The following GAK variants were observed in gnomAD, a reference collection of about 807,000 sequenced individuals.
GAK encodes cyclin G associated kinase, also known as cyclin-G-associated kinase.
A neutral mutation model predicts 143.9 loss-of-function variants in GAK; 79 were observed. The ratio of observed to expected loss-of-function variants is 0.55; its 90% CI spans 0.46 to 0.66. GAK has a LOEUF of 0.66. Among genes scored for constraint, GAK ranks in the 30% least tolerant of loss-of-function variants. GAK has a pLI of 0.00. For missense variants in GAK, 1,693 were observed against 1,779.7 expected, an observed-to-expected ratio of 0.95 and a Z score of 0.88; for synonymous variants, 881 against 765.5, an observed-to-expected ratio of 1.15 and a Z score of -2.49.
chr4:869,661 T>G (rs1452228912), intron 19 of GAK: 1 of 128,114 alleles, frequency 7.8e-6, no homozygotes, highest in African/African-American at 3.1e-5. Context: ...TACACACGAA[T>G]GCACACACAG....
Position 854,836 on chromosome 4 carries a change from G to A in GAK, c.3284-2862C>T, listed in dbSNP as rs1412641449. 9.9e-5 allele frequency among the ~76,000 whole-genome samples: 15 copies of A among 152,164 alleles called. No homozygotes were observed. In the East Asian group the frequency reaches 2.9e-3, roughly 29 times the overall value. The stretch of plus-strand genomic sequence containing the variant: ...CGAGGCGGGCGGATCACGAGGTCAG[G>A]AGATCAAGACCATCCTGACTAACAC... On this transcript the variant is annotated intron_variant, in intron 24 of 27. Transcript: ENST00000314167.
At chr4:866,878 C>T (rs376936517) in intron 21 of GAK, 78 bp downstream of exon 21, 94 of 1,113,464 alleles carry the variant, frequency 8.4e-5, no homozygotes, top group African/African-American at 5.5e-4. Flanking sequence ...CTTCGAAACA[C>T]GCCCATGCAG....
chr4:929,878 A>AC (rs1279081123), intron 1 of GAK, among the ~76,000 whole-genome samples: 2 of 152,238 alleles, frequency 1.3e-5, no homozygotes, highest in African/African-American at 4.8e-5. Context: ...ATAAAACCTG[A>AC]CATGAACTGA....
chr4:894,016 G>C lies in GAK; in HGVS notation c.742-7C>G. ...ACAAGATGCAGCCCAGGGCCTGCGG[G>C]GAGAGCAGGGGTGATGCCTAGGCCC... On this transcript the variant is annotated splice_region_variant and splice_polypyrimidine_tract_variant and intron_variant, in intron 7 of 27. Coordinates refer to ENST00000314167, the MANE Select transcript of GAK (RefSeq NM_005255.4). 6.3e-7 allele frequency: 1 copy of C among 1,591,406 alleles called. No homozygotes were observed. The highest frequency in any genetic ancestry group is 1.7e-5 in the Admixed American group (1 of 57,216).
intron 4 of GAK, among the ~76,000 whole-genome samples, chr4:908,785 A>G (rs1432173454): frequency 1.3e-5 from 2 of 151,880 alleles, no homozygotes; most frequent in Admixed American, 1.3e-4. Flanking sequence ...CCCTGTCTCC[A>G]AAAAAAATAC....
chr4:907,278 C>A (rs530860279), intron 4 of GAK, among the ~76,000 whole-genome samples: 1 of 152,350 alleles, frequency 6.6e-6, no homozygotes, highest in South Asian at 2.1e-4. Flanking sequence ...CCAGCTCTGC[C>A]GGCCCTGGCC....
chr4:885,401 C>A (rs920699085), intron 11 of GAK, among the ~76,000 whole-genome samples: 59 of 152,212 alleles, frequency 3.9e-4, no homozygotes, highest in Non-Finnish European at 6.8e-4. Context: ...CATGGTGAAA[C>A]CCCCACTGCT....
rs552544001 is a variant in GAK, at chr4:852,038, T to C, written c.3284-64A>G. 8.6e-4 allele frequency: 1,150 copies of C among 1,330,452 alleles called. 2 individuals are homozygous for C. Among genetic ancestry groups the C allele is most frequent in the Non-Finnish European group, 1.2e-3 (1,115 of 935,974 alleles). The allele number at this position is 1,330,452 out of a possible 1,614,324, so 82.4% of individuals were successfully genotyped here. ...CCATGAGGGGCAACTACTGTTTCTA[T>C]AACGCAGAGCACCACGTATATTGGA... On this transcript the variant is annotated intron_variant, in intron 24 of 27. Coordinates refer to ENST00000314167, the MANE Select transcript of GAK (RefSeq NM_005255.4).
intron 1 of GAK, among the ~76,000 whole-genome samples, chr4:929,977 T>C (rs1256434230): frequency 6.6e-6 from 1 of 152,226 alleles, no homozygotes; most frequent in Non-Finnish European, 1.5e-5. Flanking sequence ...AATTACAGAA[T>C]ACTTTCCCAA....
Position 898,796 on chromosome 4 carries a change from G to A in GAK, c.526-638C>T, listed in dbSNP as rs573282710. Among the ~76,000 whole-genome samples, 38 of 152,326 alleles carry A rather than the reference G, an allele frequency of 2.5e-4. No individual in the cohort carries two copies. In the East Asian group the frequency reaches 7.1e-3, roughly 29 times the overall value. On this transcript the variant is annotated intron_variant, in intron 5 of 27. Coordinates refer to ENST00000314167, the MANE Select transcript of GAK (RefSeq NM_005255.4). ...GAGAATCGCTTGAACTTGGGAGGCGGAGGCTGCAGTGAACCGAGATTGCGC... is the reference window on the plus strand; with the variant it reads ...GAGAATCGCTTGAACTTGGGAGGCGAAGGCTGCAGTGAACCGAGATTGCGC...
At chr4:899,219 A>C (rs998771770) in intron 5 of GAK, among the ~76,000 whole-genome samples, 3 of 152,222 alleles carry the variant, frequency 2.0e-5, no homozygotes, top group Admixed American at 2.0e-4. Flanking sequence ...CAAACCACAG[A>C]TCTTTCGGAA....
Position 866,501 on chromosome 4 carries a change from C to A in GAK, c.2906G>T (p.Gly969Val). 6.2e-7 allele frequency: 1 copy of A among 1,613,952 alleles called. No homozygotes were observed. The highest frequency in any genetic ancestry group is 8.5e-7 in the Non-Finnish European group (1 of 1,179,962). The change falls in exon 22 of 28, where the codon GGC (glycine) becomes GTC (valine). Residue 969 changes from glycine (G) to valine (V), a missense_variant. Physicochemically the swap from Gly to Val is moderately radical, Grantham distance 109. Transcript: ENST00000314167. Reference sequence around the variant, plus strand: ...ATTGGAGCAGGGCTGGGAGTTGTTGCCTGAAGACGGCAGAAGCGGGCCAAA... The same window carrying A: ...ATTGGAGCAGGGCTGGGAGTTGTTGACTGAAGACGGCAGAAGCGGGCCAAA... Reference protein sequence around the residue: ...DPFGPLLPSSGNNSQPCSNPD... With the variant: ...DPFGPLLPSSVNNSQPCSNPD...
At chr4:878,435 T>A (rs11942404) in intron 15 of GAK, among the ~76,000 whole-genome samples, 10,022 of 152,200 alleles carry the variant, frequency 0.066, 714 homozygotes, top group African/African-American at 0.18. Context: ...TATTGAGGTG[T>A]GTTTATAGCC....
chr4:870,629 G>T, intron 19 of GAK, 82 bp downstream of exon 19: 2 of 1,455,886 alleles, frequency 1.4e-6, no homozygotes, highest in Non-Finnish European at 9.5e-7. Context: ...GCCCAGCCCT[G>T]CCAGAGCTCA....
chr4:892,585 C>T (rs185655119), intron 9 of GAK, among the ~76,000 whole-genome samples: 1 of 152,356 alleles, frequency 6.6e-6, no homozygotes, highest in East Asian at 1.9e-4. Context: ...TCTCCCAGCC[C>T]CCAGGCCCTG....
At chr4:853,320 G>A (rs1431342715) in intron 24 of GAK, 1 of 152,290 alleles carries the variant, frequency 6.6e-6, no homozygotes. Context: ...CAACAGACAC[G>A]TCTCTGAACG....
chr4:922,143 G>A (rs1381234053), intron 1 of GAK, among the ~76,000 whole-genome samples: 1 of 152,118 alleles, frequency 6.6e-6, no homozygotes, highest in Non-Finnish European at 1.5e-5. Context: ...AAGTTCATAC[G>A]AGTGGGGCCC....
intron 6 of GAK, among the ~76,000 whole-genome samples, chr4:897,559 C>T (rs767773176): frequency 1.3e-5 from 2 of 152,182 alleles, no homozygotes; most frequent in African/African-American, 2.4e-5. Flanking sequence ...GAGCCAAGGA[C>T]GTGAGGGGCT....
In GAK at chr4:884,043, T is replaced by C. The variant is rs1560353104; in HGVS notation, c.1249A>G (p.Ile417Val). 2 of 1,613,746 alleles carry C rather than the reference T, an allele frequency of 1.2e-6. No homozygotes were observed. Among genetic ancestry groups the C allele is most frequent in the Non-Finnish European group, 1.7e-6 (2 of 1,179,802 alleles). ...CCTCATGTGGCACGCATACCTGCAA[T>C]TCTGGATGTGATGTAAGATATGTCC... The part of the protein sequence containing the change: ...DLDISYITSR[I>V]AVMSFPAEGV... Residue 417 changes from isoleucine to valine, a missense_variant, in exon 12 of 28, where the codon ATT (isoleucine) becomes GTT (valine). By Grantham distance (29) the Ile-to-Val change is conservative. Transcript: ENST00000314167.
Sources: gnomAD v4.1 joint callset for allele counts (sites outside exome capture counted in the v4.1 genomes callset) on GRCh38, gnomAD v4.1.1 for gene constraint, MANE v1.5 for transcripts, NCBI Gene and HGNC (gene_info 2026-07-23, HGNC 2026-07-21) for gene names.